Variants in GFM2 observed in about 807,000 individuals in gnomAD.
GFM2 encodes the protein GTP dependent ribosome recycling factor mitochondrial 2.
A neutral mutation model predicts 95.4 loss-of-function variants in GFM2; 72 were observed. The observed-to-expected ratio is 0.76, with a 90% CI of 0.62 to 0.92. The LOEUF is 0.92. Among genes scored for constraint, GFM2 ranks in the 40% least tolerant of loss-of-function variants. GFM2 has a pLI of 0.00. For synonymous variants in GFM2, 276 were observed against 317.5 expected (o/e 0.87, Z 1.39); for missense variants, 825 against 924.1 (o/e 0.89, Z 1.39).
chr5:74,756,347 C>T (rs908678853), intron 5 of GFM2, among the ~76,000 whole-genome samples: 4 of 152,102 alleles, frequency 2.6e-5, no homozygotes, highest in Admixed American at 1.3e-4. Context: ...TACCACCTTA[C>T]TCCTGCAAGA....
chr5:74,758,858 A>T lies in GFM2; in HGVS notation c.295T>A (p.Ser99Thr). 1 of 1,591,558 alleles carries T rather than the reference A, an allele frequency of 6.3e-7. No homozygotes were observed. The highest frequency in any genetic ancestry group is 8.6e-7 in the Non-Finnish European group (1 of 1,159,786). Residue 99 changes from serine to threonine, a missense_variant, in exon 5 of 21, where the codon TCA (serine) becomes ACA (threonine). By Grantham distance (58) the Ser-to-Thr change is moderately conservative. Transcript: ENST00000296805. ...RILYYSGYTR[S>T]LGDVDDGDTV... ...AGGAATCCATTCTAACCTCCCAGTG[A>T]TCTTGTATATCCGGAATAGTACAAT...
intron 5 of GFM2, among the ~76,000 whole-genome samples, chr5:74,755,506 T>C (rs910770789): frequency 6.6e-6 from 1 of 151,764 alleles, no homozygotes; most frequent in Admixed American, 6.6e-5. Context: ...GAACAGAAAA[T>C]ATCCAAATAA....
At chr5:74,739,381 G>A (rs1742999550) in intron 12 of GFM2, among the ~76,000 whole-genome samples, 2 of 152,020 alleles carry the variant, frequency 1.3e-5, no homozygotes, top group South Asian at 2.1e-4. Flanking sequence ...CCTATTCTTT[G>A]CATTTTATAG....
intron 15 of GFM2, among the ~76,000 whole-genome samples, chr5:74,734,749 T>TG (rs1328821273): frequency 6.6e-6 from 1 of 152,188 alleles, no homozygotes; most frequent in Non-Finnish European, 1.5e-5. Flanking sequence ...AACTGGACCA[T>TG]GGGGTAAGTA....
At chr5:74,748,780 G>A (rs58864890) in intron 7 of GFM2, among the ~76,000 whole-genome samples, 22,095 of 150,904 alleles carry the variant, frequency 0.15, 1,871 homozygotes, top group African/African-American at 0.22. Context: ...CACAAGGATC[G>A]CTTGAACCCG....
intron 10 of GFM2, among the ~76,000 whole-genome samples, chr5:74,743,440 C>T (rs912798034): frequency 2.0e-5 from 3 of 152,192 alleles, no homozygotes; most frequent in South Asian, 2.1e-4. Context: ...AGTAGGCACC[C>T]TAATGGGTGT....
intron 5 of GFM2, among the ~76,000 whole-genome samples, chr5:74,757,747 AAAAAAAAAAATT>A (rs2112351494): frequency 6.6e-6 from 1 of 151,212 alleles, no homozygotes; most frequent in African/African-American, 2.4e-5. Context: ...AAAAAAAAAA[AAAAAAAAAAATT>A]AAAAAATTAA....
intron 14 of GFM2, among the ~76,000 whole-genome samples, chr5:74,737,885 CA>C (rs1231621168): frequency 6.6e-6 from 1 of 151,874 alleles, no homozygotes; most frequent in African/African-American, 2.4e-5. Context: ...GGGCATTGAA[CA>C]AAAAAGACAA....
intron 15 of GFM2, among the ~76,000 whole-genome samples, chr5:74,734,897 T>C (rs1742758068): frequency 6.6e-6 from 1 of 152,188 alleles, no homozygotes. Flanking sequence ...TACCACACTT[T>C]TTCTCCTAAA....
chr5:74,755,042 G>A (rs1475426089), intron 5 of GFM2, among the ~76,000 whole-genome samples: 2 of 152,098 alleles, frequency 1.3e-5, no homozygotes, highest in Non-Finnish European at 2.9e-5. Context: ...GTTGCAATGA[G>A]CCAAGATTGC....
chr5:74,736,714 GA>G, intron 15 of GFM2, 81 bp downstream of exon 15: 1 of 1,567,068 alleles, frequency 6.4e-7, no homozygotes, highest in African/African-American at 1.4e-5. Flanking sequence ...AATCACATAA[GA>G]AATCTCTTGA....
chr5:74,759,070 G>A (rs1199266441), intron 4 of GFM2, 124 bp from the exon 5 acceptor site: 1 of 657,452 alleles, frequency 1.5e-6, no homozygotes, highest in Non-Finnish European at 2.6e-6. Context: ...TAGAAAAATG[G>A]AAAACATTTA....
At chr5:74,744,070 G>C (rs192274004) in intron 10 of GFM2, among the ~76,000 whole-genome samples, 74 of 152,246 alleles carry the variant, frequency 4.9e-4, no homozygotes, top group African/African-American at 1.5e-3. Context: ...TGAGAAATGT[G>C]GTGTTAGGTG....
chr5:74,742,755 T>C (rs374497275), intron 10 of GFM2, among the ~76,000 whole-genome samples: 1 of 151,990 alleles, frequency 6.6e-6, no homozygotes, highest in East Asian at 1.9e-4. Context: ...CAACCTCTGC[T>C]TCCTGGGTTC....
intron 9 of GFM2, 78 bp from the exon 10 acceptor site, chr5:74,745,935 G>T: frequency 2.3e-6 from 3 of 1,299,926 alleles, no homozygotes; most frequent in Non-Finnish European, 3.2e-6. Context: ...TTTTCTAATT[G>T]TACCATTTTC....
In GFM2 at chr5:74,756,905, T is replaced by C. The variant is rs903516053; in HGVS notation, c.304+1944A>G. Among the ~76,000 whole-genome samples the C allele has an allele frequency of 2.0e-5, 3 of 152,106 alleles. No individual in the cohort carries two copies. In the South Asian group the frequency reaches 6.2e-4, roughly 32 times the overall value. On this transcript the variant is annotated intron_variant, in intron 5 of 20. Coordinates refer to ENST00000296805, the MANE Select transcript of GFM2 (RefSeq NM_032380.5). ...AGGCATTAGAGTGATACAATGAACT[T>C]TGGGGACTCAGGAGAAAGGGCAGGA...
At chr5:74,756,345 T>C (rs890775035) in intron 5 of GFM2, among the ~76,000 whole-genome samples, 1 of 152,116 alleles carries the variant, frequency 6.6e-6, no homozygotes, top group Non-Finnish European at 1.5e-5. Flanking sequence ...AATACCACCT[T>C]ACTCCTGCAA....
rs1743698845 is a variant in GFM2 at position 74,751,380 on chromosome 5, T to C, written c.418A>G (p.Ile140Val). The change falls in exon 6 of 21, where the codon ATT becomes GTT. Residue 140 changes from isoleucine (I) to valine (V), a missense_variant. Ile to Val is a conservative substitution (Grantham distance 29). Coordinates refer to ENST00000296805, the MANE Select transcript of GFM2 (RefSeq NM_032380.5). ...FDWKGYRVNL[I>V]DTPGHVDFTL... Reference sequence around the variant, plus strand: ...AATCGTACCATACCTGGTGTATCAATTAGATTGACTCTATAACCTTTCCAA... The same window carrying C: ...AATCGTACCATACCTGGTGTATCAACTAGATTGACTCTATAACCTTTCCAA... 3 of 1,613,004 alleles carry C rather than the reference T, an allele frequency of 1.9e-6. No individual in the cohort carries two copies. The highest frequency in any genetic ancestry group is 2.5e-6 in the Non-Finnish European group (3 of 1,179,268).
At position 74,721,764 on chromosome 5, in the gene GFM2, C is replaced by A; in HGVS notation, c.2231G>T (p.Arg744Leu). 1 of 1,612,798 alleles carries A rather than the reference C, an allele frequency of 6.2e-7. No individual in the cohort carries two copies. The highest frequency in any genetic ancestry group is 8.5e-7 in the Non-Finnish European group (1 of 1,179,514). ...AEIMGYSTVLRTLTSGSATFA... is the reference protein window; with the variant it reads ...AEIMGYSTVLLTLTSGSATFA... ...AGTAGCTGAGCCTGATGTTAGCGTTCGAAGCACAGTTGAATAACCCTAATC... is the reference window on the plus strand; with the variant it reads ...AGTAGCTGAGCCTGATGTTAGCGTTAGAAGCACAGTTGAATAACCCTAATC... Residue 744 changes from arginine to leucine, a missense_variant, in exon 21 of 21, where the codon CGA becomes CTA. Physicochemically the swap from Arg to Leu is moderately radical, Grantham distance 102. Transcript: ENST00000296805.
Sources: allele counts gnomAD v4.1 joint callset (sites outside exome capture counted in the v4.1 genomes callset), GRCh38; gene constraint gnomAD v4.1.1; transcripts MANE v1.5; gene names NCBI Gene and HGNC (gene_info 2026-07-23, HGNC 2026-07-21).